MELTF: variants seen among roughly 807,000 people sequenced by gnomAD.
MELTF encodes antigen p97 (melanoma associated) identified by monoclonal antibodies 133.2 and 96.5.
A neutral mutation model predicts 83.7 loss-of-function variants in MELTF; 67 were observed. That is an observed-to-expected ratio of 0.80 (90% CI 0.66 to 0.98). The LOEUF (loss-of-function observed/expected upper bound fraction) is 0.98. Ranked by LOEUF, MELTF falls within the 50% of genes least tolerant of loss-of-function variation. The pLI, the probability that MELTF is intolerant of heterozygous loss-of-function variation, is 0.00. For missense variants in MELTF, 1,002 were observed against 1,035.6 expected (o/e 0.97, Z 0.44); for synonymous variants, 462 against 447.6 (o/e 1.03, Z -0.41).
chr3:197,025,049 C>CT (rs1341829560), intron 3 of MELTF, among the ~76,000 whole-genome samples: 1 of 152,242 alleles, frequency 6.6e-6, no homozygotes, highest in Non-Finnish European at 1.5e-5. Context: ...GCTCACGACC[C>CT]TGAATGCTGC....
chr3:197,009,106 T>G, intron 11 of MELTF, 141 bp from the exon 12 acceptor site: 6 of 947,402 alleles, frequency 6.3e-6, no homozygotes, highest in Non-Finnish European at 9.5e-6. Flanking sequence ...TCCCCTCAGC[T>G]CTGAGTGGAG....
rs1719185222 is a variant in MELTF, at chr3:197,011,461, G to A, written c.1234-667C>T. On this transcript the variant is annotated intron_variant, in intron 9 of 15. Coordinates refer to ENST00000296350, the MANE Select transcript of MELTF (RefSeq NM_005929.6). This position sits in a 1 kb window ranked among gnomAD's most constrained non-coding sequence, Gnocchi z 4.2. ...GCTAACTGGTAACAGAGCCATAGTAGTGTGATTAACCTCAAGGGAAGGGGA... is the reference window on the plus strand; with the variant it reads ...GCTAACTGGTAACAGAGCCATAGTAATGTGATTAACCTCAAGGGAAGGGGA... 6.6e-6 allele frequency among the ~76,000 whole-genome samples: 1 copy of A among 152,220 alleles called. No individual in the cohort carries two copies. Among genetic ancestry groups the A allele is most frequent in the Admixed American group, 6.5e-5 (1 of 15,294 alleles).
intron 6 of MELTF, 55 bp from the exon 7 acceptor site, chr3:197,017,345 G>T: frequency 1.4e-6 from 2 of 1,439,218 alleles, no homozygotes; most frequent in Admixed American, 2.6e-5. Context: ...GGGGCGGGTG[G>T]CGGGGAAGGC....
chr3:197,023,953 T>G, intron 4 of MELTF: 1 of 520,396 alleles, frequency 1.9e-6, no homozygotes. Flanking sequence ...CGAGGACACA[T>G]TTCTAGACAC....
At chr3:197,013,867 T>C (rs892683630) in intron 9 of MELTF, among the ~76,000 whole-genome samples, 3 of 152,222 alleles carry the variant, frequency 2.0e-5, no homozygotes, top group African/African-American at 7.2e-5. Flanking sequence ...CTAGTGAGGA[T>C]GCAGAATAAA....
intron 2 of MELTF, among the ~76,000 whole-genome samples, chr3:197,027,542 C>T (rs1007312527): frequency 2.0e-5 from 3 of 152,244 alleles, no homozygotes; most frequent in Non-Finnish European, 4.4e-5. Context: ...TCTTTGCTGG[C>T]GCCCTCTGAG....
rs901978701 is a variant in MELTF at position 197,029,605 on chromosome 3, G to A, written c.49+49C>T. 4.9e-6 allele frequency: 6 copies of A among 1,231,034 alleles called. No homozygotes were observed. The highest frequency in any genetic ancestry group is 6.3e-5 in the East Asian group (2 of 31,698). The allele number at this position is 1,231,034 out of a possible 1,614,324, so 76.3% of individuals were successfully genotyped here. ...CCCGGGACCTGCTCAGCCGGGCCGC[G>A]GCGCCCCGGGACCCCCGCCCGCCTT... On this transcript the variant is annotated intron_variant, in intron 1 of 15. Transcript: ENST00000296350. This position sits in a 1 kb window ranked among gnomAD's most constrained non-coding sequence, Gnocchi z 6.5.
Position 197,026,696 on chromosome 3 carries a change from C to T in MELTF, c.268G>A (p.Gly90Ser), listed in dbSNP as rs377676022. ...ACTTCGCCCACCACCGGCTTCAGGC[C>T]GTGCTCCTTTCCCGCCTCATAGATG... ...GAIYEAGKEHGLKPVVGEVYD... is the reference protein window; with the variant it reads ...GAIYEAGKEHSLKPVVGEVYD... The change falls in exon 3 of 16, where the codon GGC becomes AGC. Residue 90 changes from glycine (G) to serine (S), a missense_variant. Physicochemically the swap from Gly to Ser is moderately conservative, Grantham distance 56 (BLOSUM62 0). Transcript: ENST00000296350. 4.9e-5 allele frequency: 79 copies of T among 1,613,422 alleles called. No individual in the cohort carries two copies. The highest frequency in any genetic ancestry group is 9.3e-5 in the African/African-American group (7 of 74,960).
chr3:197,027,279 C>T (rs1336791390), intron 2 of MELTF, among the ~76,000 whole-genome samples: 6 of 152,212 alleles, frequency 3.9e-5, no homozygotes, highest in Non-Finnish European at 7.3e-5. Context: ...CCAGGAGGGA[C>T]GCCACTCTCT....
At chr3:197,009,432 C>T (rs1216154375) in intron 11 of MELTF, among the ~76,000 whole-genome samples, 186 bp downstream of exon 11, 1 of 152,200 alleles carries the variant, frequency 6.6e-6, no homozygotes, top group Non-Finnish European at 1.5e-5. Flanking sequence ...TGTGATCTAA[C>T]ACACTGGAGG....
intron 7 of MELTF, 116 bp downstream of exon 7, chr3:197,016,987 T>A (rs921476687): frequency 8.6e-7 from 1 of 1,166,782 alleles, no homozygotes; most frequent in African/African-American, 1.6e-5. Flanking sequence ...GATGCTGGGG[T>A]CCGTCCCAAG....
rs1719702304 is a variant in MELTF at position 197,023,211 on chromosome 3, C to T, written c.488-98G>A. ...GGGGGCCCGGGCTCTCATCTGGACT[C>T]TGCTGAGAATGGTTCCACCTTCCAG... On this transcript the variant is annotated intron_variant, in intron 4 of 15. Transcript: ENST00000296350. The T allele has an allele frequency of 2.4e-6, 3 of 1,239,612 alleles. No homozygotes were observed. The African/African-American group carries it at 4.5e-5, about 19-fold the overall frequency. 76.8% of individuals were successfully genotyped at this position (1,239,612 alleles called of 1,614,324 possible). A position where few individuals can be genotyped will look rare whatever the true frequency, so the allele number is the denominator to read the frequency against.
At chr3:197,013,405 A>G (rs1399612075) in intron 9 of MELTF, among the ~76,000 whole-genome samples, 2 of 152,236 alleles carry the variant, frequency 1.3e-5, no homozygotes, top group African/African-American at 2.4e-5. Flanking sequence ...GCAGGGCCCA[A>G]GACAATAAAA....
chr3:197,003,239 G>GGGCTCCCGGGGAGGCGC lies in MELTF; in HGVS notation c.*116_*132dup. 1 of 973,632 alleles carries GGGCTCCCGGGGAGGCGC rather than the reference G, an allele frequency of 1.0e-6. No individual in the cohort carries two copies. The highest frequency in any genetic ancestry group is 1.2e-6 in the Non-Finnish European group (1 of 812,050). 60.3% of individuals were successfully genotyped at this position (973,632 alleles called of 1,614,324 possible). On this transcript the variant is annotated 3_prime_UTR_variant, in exon 16 of 16. Transcript: ENST00000296350. The surrounding 1 kb of genome is among the most constrained non-coding windows in gnomAD (Gnocchi z 6.2). Reference sequence around the variant, plus strand: ...CGCCAGGTGGCGCCCGTGGGCGGCGGGGCTCCCGGGGAGGCGCCTGCTCCC... The same window carrying GGGCTCCCGGGGAGGCGC: ...CGCCAGGTGGCGCCCGTGGGCGGCGGGGCTCCCGGGGAGGCGCGGCTCCCGGGGAGGCGCCTGCTCCC...
intron 3 of MELTF, among the ~76,000 whole-genome samples, chr3:197,025,233 C>G (rs1719805255): frequency 6.6e-6 from 1 of 152,254 alleles, no homozygotes; most frequent in Non-Finnish European, 1.5e-5. Flanking sequence ...GCACAAACTG[C>G]CCGGTGGTGT....
At chr3:197,015,641 C>T in intron 8 of MELTF, 125 bp from the exon 9 acceptor site, 1 of 1,059,830 alleles carries the variant, frequency 9.4e-7, no homozygotes, top group Non-Finnish European at 1.3e-6. Context: ...AGTTATTTAA[C>T]CATCGGATCC....
In MELTF at chr3:197,022,830, T is replaced by C. The variant is rs953196937; in HGVS notation, c.644+127A>G. 4 of 891,128 alleles carry C rather than the reference T, an allele frequency of 4.5e-6. No homozygotes were observed. In the African/African-American group the frequency reaches 5.0e-5, roughly 11 times the overall value. The allele number at this position is 891,128 out of a possible 1,614,324, so 55.2% of individuals were successfully genotyped here. ...GCACAGAACTATATAAAGGGTGCTT[T>C]GATGAGACGCAGCCAACATGCCACT... On this transcript the variant is annotated intron_variant, in intron 5 of 15. Transcript: ENST00000296350. The surrounding 1 kb of genome is among the most constrained non-coding windows in gnomAD (Gnocchi z 5.1).
intron 7 of MELTF, among the ~76,000 whole-genome samples, chr3:197,016,819 G>A (rs888504163): frequency 2.6e-5 from 4 of 152,152 alleles, no homozygotes; most frequent in African/African-American, 9.7e-5. Flanking sequence ...TGGTTTATTT[G>A]CTCATATGTT....
intron 8 of MELTF, 111 bp from the exon 9 acceptor site, chr3:197,015,627 G>A (rs1160978061): frequency 1.6e-6 from 2 of 1,241,160 alleles, no homozygotes; most frequent in Admixed American, 5.0e-5. Flanking sequence ...GTGTGGCTGG[G>A]ATAAGTTATT....
Sources: allele counts gnomAD v4.1 joint callset (sites outside exome capture counted in the v4.1 genomes callset), GRCh38; gene constraint gnomAD v4.1.1; non-coding constraint Gnocchi (gnomAD v3.1); transcripts MANE v1.5; gene names NCBI Gene and HGNC (gene_info 2026-07-23, HGNC 2026-07-21).